GAS2: variants seen among roughly 807,000 people sequenced by gnomAD.
GAS2 encodes the protein growth arrest-specific protein 2.
In GAS2, 20 loss-of-function variants were observed where a neutral mutation model predicts 37.5. The observed-to-expected ratio is 0.53, with a 90% CI of 0.37 to 0.77. The LOEUF (loss-of-function observed/expected upper bound fraction) is 0.77, where lower values mean the gene tolerates loss of function less well. GAS2 is among the 30% of genes least tolerant of loss of function. The pLI, the probability that GAS2 is intolerant of heterozygous loss-of-function variation, is 0.00. For synonymous variants in GAS2, 144 were observed against 132.2 expected (o/e 1.09, Z -0.61); for missense variants, 336 against 373.4 (o/e 0.90, Z 0.82).
intron 1 of GAS2, among the ~76,000 whole-genome samples, chr11:22,628,917 A>G (rs1372690299): frequency 1.3e-5 from 2 of 152,216 alleles, no homozygotes; most frequent in African/African-American, 2.4e-5. Context: ...TACTTCACTT[A>G]GAATAATGGC....
intron 1 of GAS2, among the ~76,000 whole-genome samples, chr11:22,652,290 A>T (rs1295203237): frequency 6.6e-6 from 1 of 152,186 alleles, no homozygotes; most frequent in South Asian, 2.1e-4. Context: ...TCAGATCTCC[A>T]GCTGTGTGCT....
chr11:22,757,839 A>G (rs147895124), intron 7 of GAS2, among the ~76,000 whole-genome samples: 2,616 of 152,196 alleles, frequency 0.017, 84 homozygotes, highest in African/African-American at 0.059. Context: ...GGCTTGTCAT[A>G]AGTTCATTTC....
intron 3 of GAS2, among the ~76,000 whole-genome samples, chr11:22,704,506 A>G (rs1851003810): frequency 6.7e-6 from 1 of 148,168 alleles, no homozygotes; most frequent in South Asian, 2.1e-4. Context: ...ATTTTTACCA[A>G]TGAGAAAGCT....
At chr11:22,735,553 T>C (rs1281869810) in intron 4 of GAS2, among the ~76,000 whole-genome samples, 1 of 151,700 alleles carries the variant, frequency 6.6e-6, no homozygotes, top group Non-Finnish European at 1.5e-5. Context: ...TGATATTGAG[T>C]TTTGGCATGC....
intron 1 of GAS2, chr11:22,626,853 C>T (rs1858664679): frequency 6.6e-6 from 1 of 152,210 alleles, no homozygotes; most frequent in African/African-American, 2.4e-5. Context: ...AGCATTCCTA[C>T]ACCTTTTAGA....
At position 22,709,604 on chromosome 11, in the gene GAS2, G is replaced by A. The variant is rs57766158; in HGVS notation, c.268-16688G>A. Among the ~76,000 whole-genome samples, 161 of 152,222 alleles carry A rather than the reference G, an allele frequency of 1.1e-3. 1 individual carries two copies. Among genetic ancestry groups the A allele is most frequent in the African/African-American group, 3.6e-3 (150 of 41,542 alleles). ...CAACCATTGTGGAAGTCAGTGTGGC[G>A]ATTCCTCAGGGATCTAGAACTAGAA... On this transcript the variant is annotated intron_variant, in intron 3 of 7. Coordinates refer to ENST00000454584, the MANE Select transcript of GAS2 (RefSeq NM_001143830.3).
In GAS2 at chr11:22,633,914, G is replaced by A. The variant is rs919018098; in HGVS notation, c.-21+8101G>A. Among the ~76,000 whole-genome samples the A allele has an allele frequency of 4.6e-5, 7 of 152,124 alleles. 1 individual carries two copies. Among genetic ancestry groups the A allele is most frequent in the Admixed American group, 2.6e-4 (4 of 15,272 alleles). ...TCCTCCTGTGGGGATGCAGTCACCC[G>A]AAAGTGTTCCAGGAAGCCTCTCTAC... is the stretch of plus-strand genomic sequence containing the variant. On this transcript the variant is annotated intron_variant, in intron 1 of 5. Transcript: ENST00000528582.
intron 1 of GAS2, among the ~76,000 whole-genome samples, chr11:22,655,223 C>G (rs188808371): frequency 1.3e-5 from 2 of 152,282 alleles, no homozygotes; most frequent in Admixed American, 1.3e-4. Context: ...TACGCTGATT[C>G]CCAGAGGCAT....
At chr11:22,791,170 A>G (rs763687640) in intron 7 of GAS2, among the ~76,000 whole-genome samples, 1 of 152,240 alleles carries the variant, frequency 6.6e-6, no homozygotes, top group Non-Finnish European at 1.5e-5. Context: ...GAATGAATTT[A>G]TGGTGAAGAT....
At chr11:22,791,602 G>A (rs145232657) in intron 7 of GAS2, among the ~76,000 whole-genome samples, 16 of 152,242 alleles carry the variant, frequency 1.1e-4, no homozygotes, top group African/African-American at 3.6e-4. Context: ...TAATAAACTG[G>A]CTAGATACTA....
At chr11:22,646,083 T>C (rs1193963269) in intron 1 of GAS2, among the ~76,000 whole-genome samples, 1 of 152,098 alleles carries the variant, frequency 6.6e-6, no homozygotes, top group Non-Finnish European at 1.5e-5. Context: ...CCTCAGGTAA[T>C]CCAACTGTCT....
rs11026735 is a variant in GAS2 at position 22,695,496 on chromosome 11, A to G, written c.267+9707A>G. On this transcript the variant is annotated intron_variant, in intron 3 of 7. Transcript: ENST00000454584. ...TGTTTCCTGGGAGGGTATGCTTGCT[A>G]TTTTCTTACCCAACCTGCTCATTCT... 7.0e-3 allele frequency among the ~76,000 whole-genome samples: 1,066 copies of G among 151,992 alleles called. 10 individuals are homozygous for G. The highest frequency in any genetic ancestry group is 0.024 in the African/African-American group (1,014 of 41,456).
chr11:22,655,396 A>G (rs1355819159), intron 1 of GAS2, among the ~76,000 whole-genome samples: 7 of 152,186 alleles, frequency 4.6e-5, no homozygotes, highest in Admixed American at 3.9e-4. Flanking sequence ...TATTCCCACA[A>G]TGCCCATTTT....
intron 4 of GAS2, among the ~76,000 whole-genome samples, chr11:22,734,229 G>A (rs1258389640): frequency 1.3e-5 from 2 of 151,552 alleles, no homozygotes; most frequent in African/African-American, 2.4e-5. Context: ...TTAAAGGCAA[G>A]GTATTTGGTG....
At chr11:22,783,026 G>A (rs1855639526) in intron 7 of GAS2, among the ~76,000 whole-genome samples, 1 of 152,094 alleles carries the variant, frequency 6.6e-6, no homozygotes, top group African/African-American at 2.4e-5. Flanking sequence ...TCTCCAAACT[G>A]GTCTTTACAG....
At chr11:22,726,524 T>C (rs1367744193) in intron 4 of GAS2, 91 bp downstream of exon 4, 9 of 1,071,356 alleles carry the variant, frequency 8.4e-6, no homozygotes, top group African/African-American at 8.1e-5. Flanking sequence ...TTTTGTATGA[T>C]GTCATTTTGC....
chr11:22,763,616 TACACACACAC>T (rs34715661), intron 7 of GAS2, among the ~76,000 whole-genome samples: 21,544 of 143,534 alleles, frequency 0.15, 1,815 homozygotes, highest in East Asian at 0.28. Context: ...AAAATACACA[TACACACACAC>T]ACACACACAC....
intron 1 of GAS2, among the ~76,000 whole-genome samples, chr11:22,635,816 G>A (rs1471121023): frequency 6.6e-6 from 1 of 152,198 alleles, no homozygotes; most frequent in Admixed American, 6.5e-5. Flanking sequence ...CAAAGCATGT[G>A]CTGATGCTGC....
intron 7 of GAS2, among the ~76,000 whole-genome samples, chr11:22,766,131 A>G (rs371751785): frequency 9.1e-4 from 138 of 152,302 alleles, no homozygotes; most frequent in African/African-American, 2.7e-3. Context: ...TGCGGATTAC[A>G]TTTCAACATG....
Sources: gnomAD v4.1 joint callset for allele counts (sites outside exome capture counted in the v4.1 genomes callset) on GRCh38, gnomAD v4.1.1 for gene constraint, MANE v1.5 for transcripts, NCBI Gene and HGNC (gene_info 2026-07-23, HGNC 2026-07-21) for gene names.